The following DMD variants were observed in gnomAD, a reference collection of about 807,000 sequenced individuals.
DMD encodes mutant dystrophin.
DMD carries 63 observed loss-of-function variants against 330.1 expected under a neutral mutation model. That is an observed-to-expected ratio of 0.19 (90% CI 0.16 to 0.24). The LOEUF (loss-of-function observed/expected upper bound fraction) is 0.24. Among genes scored for constraint, DMD ranks in the 10% least tolerant of loss-of-function variants. The pLI is 1.00. For missense variants in DMD, 3,344 were observed against 2,684.1 expected (o/e 1.25, Z -5.43); for synonymous variants, 1,223 against 959.8 (o/e 1.27, Z -5.07).
chrX:32,903,144 CAAAAAAAA>C lies in DMD; in HGVS notation c.94-53332_94-53325del, dbSNP rs34973696. On this transcript the variant is annotated intron_variant, in intron 2 of 78. Coordinates refer to ENST00000357033, the MANE Select transcript of DMD (RefSeq NM_004006.3). ...TGGGCGACAGAGTGAGACTCAGTCT[CAAAAAAAA>C]AAAAAAAAAAAAAGAAACTAAAAAG... 2.8e-3 allele frequency among the ~76,000 whole-genome samples: 91 copies of C among 32,993 alleles called. 1 individual carries two copies. The highest frequency in any genetic ancestry group is 4.0e-3 in the Non-Finnish European group (84 of 20,919). The allele number at this position is 32,993 out of a possible 115,157, so 28.7% of individuals were successfully genotyped here.
chrX:32,389,421 TTC>T lies in DMD; in HGVS notation c.4518+78_4518+79del, dbSNP rs1274967111. 3.7e-5 allele frequency: 38 copies of T among 1,027,829 alleles called. No individual in the cohort carries two copies. In the Admixed American group the frequency reaches 8.2e-4, roughly 22 times the overall value. The allele number at this position is 1,027,829 out of a possible 1,213,427, so 84.7% of individuals were successfully genotyped here. Reference sequence around the variant, plus strand: ...AATTATTATGGTTATCTGAAAACAATTCTCTCTTATAAAAGAGCAGTTACTTC... The same window carrying T: ...AATTATTATGGTTATCTGAAAACAATTCTCTTATAAAAGAGCAGTTACTTC... On this transcript the variant is annotated intron_variant, in intron 32 of 78. Coordinates refer to ENST00000357033, the MANE Select transcript of DMD (RefSeq NM_004006.3).
intron 30 of DMD, among the ~76,000 whole-genome samples, chrX:32,401,999 T>C (rs749486964): frequency 1.9e-4 from 21 of 112,297 alleles, no homozygotes; most frequent in Non-Finnish European, 3.2e-4. Context: ...TTTCACTTAA[T>C]AAAGGGCTAA....
At chrX:31,528,471 G>A (rs1183609006) in intron 55 of DMD, among the ~76,000 whole-genome samples, 1 of 112,169 alleles carries the variant, frequency 8.9e-6, no homozygotes, top group Non-Finnish European at 1.9e-5. Flanking sequence ...ACATGGAGGG[G>A]TGGAGGGATA....
intron 18 of DMD, among the ~76,000 whole-genome samples, chrX:32,513,982 G>C (rs988760032): frequency 2.7e-5 from 3 of 111,869 alleles, no homozygotes; most frequent in Non-Finnish European, 5.6e-5. Context: ...TAGTTCTACA[G>C]AGGGATTGAG....
chrX:31,560,285 G>C (rs764874535), intron 55 of DMD, among the ~76,000 whole-genome samples: 1 of 111,650 alleles, frequency 9.0e-6, no homozygotes, highest in East Asian at 2.8e-4. Flanking sequence ...TTATGTCAAG[G>C]CTTCAATCAC....
chrX:32,426,398 T>C, intron 29 of DMD, among the ~76,000 whole-genome samples: 1 of 111,468 alleles, frequency 9.0e-6, no homozygotes, highest in East Asian at 2.8e-4. Context: ...TCACCAACCA[T>C]TAGAGAAGTG....
intron 1 of DMD, among the ~76,000 whole-genome samples, chrX:33,161,029 T>C (rs2048746107): frequency 8.9e-6 from 1 of 112,065 alleles, no homozygotes; most frequent in African/African-American, 3.2e-5. Flanking sequence ...CAGAACTCTT[T>C]GCATTGTAAT....
intron 60 of DMD, among the ~76,000 whole-genome samples, chrX:31,441,477 G>A (rs1014589593): frequency 4.4e-5 from 5 of 112,549 alleles, no homozygotes; most frequent in South Asian, 3.6e-4. Flanking sequence ...GATTACAGGC[G>A]TGAGCCACCA....
chrX:32,049,020 G>A (rs750966223), intron 44 of DMD, among the ~76,000 whole-genome samples: 1 of 111,077 alleles, frequency 9.0e-6, no homozygotes, highest in Non-Finnish European at 1.9e-5. Context: ...ACTTGAGAAC[G>A]AGAAGAAACA....
intron 12 of DMD, among the ~76,000 whole-genome samples, chrX:32,602,749 C>T (rs746283024): frequency 9.0e-6 from 1 of 111,366 alleles, no homozygotes; most frequent in African/African-American, 3.3e-5. Flanking sequence ...TCTGTACCTT[C>T]TATCTAGACA....
intron 44 of DMD, among the ~76,000 whole-genome samples, chrX:32,005,601 G>A (rs1245766326): frequency 9.1e-6 from 1 of 110,432 alleles, no homozygotes; most frequent in Non-Finnish European, 1.9e-5. Context: ...TCACTGCCTG[G>A]GGACACCAGA....
At chrX:32,564,557 A>G (rs1480785639) in intron 16 of DMD, among the ~76,000 whole-genome samples, 1 of 112,409 alleles carries the variant, frequency 8.9e-6, no homozygotes, top group Non-Finnish European at 1.9e-5. Context: ...ATTAATTGCT[A>G]AAGTATGTTT....
intron 61 of DMD, among the ~76,000 whole-genome samples, chrX:31,336,016 G>A (rs1480347515): frequency 1.8e-5 from 2 of 112,841 alleles, no homozygotes; most frequent in Non-Finnish European, 3.7e-5. Context: ...CCCCTACACT[G>A]ATCAGGAAGA....
At position 31,658,063 on chromosome X, in the gene DMD, A is replaced by C; in HGVS notation, c.7954T>G (p.Ser2652Ala). The C allele has an allele frequency of 8.3e-7, 1 of 1,211,464 alleles. No homozygotes were observed. The highest frequency in any genetic ancestry group is 1.1e-6 in the Non-Finnish European group (1 of 895,077). ...TGGACTTTTCTGGTATCATCTGCAGAATAATCCCGGAGAAGTTTCAGGGCC... is the reference window on the plus strand; with the variant it reads ...TGGACTTTTCTGGTATCATCTGCAGCATAATCCCGGAGAAGTTTCAGGGCC... ...DLALKLLRDY[S>A]ADDTRKVHMI... The change falls in exon 54 of 79, where the codon TCT becomes GCT. Residue 2652 changes from serine (S) to alanine (A), a missense_variant. Transcript: ENST00000357033.
chrX:31,420,081 A>G (rs2063283849), intron 60 of DMD, among the ~76,000 whole-genome samples: 1 of 112,437 alleles, frequency 8.9e-6, no homozygotes, highest in Non-Finnish European at 1.9e-5. Context: ...GCAAAAAAAT[A>G]TCAAAACTTA....
At chrX:32,988,729 A>G (rs1383341945) in intron 2 of DMD, among the ~76,000 whole-genome samples, 1 of 112,205 alleles carries the variant, frequency 8.9e-6, no homozygotes, top group African/African-American at 3.2e-5. Flanking sequence ...TAAGAATTTT[A>G]ATCAATTGTG....
chrX:32,552,988 C>A (rs1354700867), intron 16 of DMD, among the ~76,000 whole-genome samples: 3 of 111,630 alleles, frequency 2.7e-5, no homozygotes, highest in Non-Finnish European at 5.6e-5. Context: ...TTAGTTCAGC[C>A]ACCGTGGAAA....
chrX:32,836,457 T>C (rs1172975944), intron 4 of DMD, among the ~76,000 whole-genome samples: 2 of 111,741 alleles, frequency 1.8e-5, no homozygotes, highest in Non-Finnish European at 3.8e-5. Context: ...TCTCCCTCCT[T>C]GTCTGGATCA....
chrX:32,915,408 G>C (rs1279427988), intron 2 of DMD, among the ~76,000 whole-genome samples: 3 of 112,180 alleles, frequency 2.7e-5, no homozygotes, highest in Non-Finnish European at 5.6e-5. Flanking sequence ...TACATTTTGT[G>C]ATTCAGACAT....
Sources: allele counts gnomAD v4.1 joint callset (sites outside exome capture counted in the v4.1 genomes callset), GRCh38; gene constraint gnomAD v4.1.1; transcripts MANE v1.5; gene names NCBI Gene and HGNC (gene_info 2026-07-23, HGNC 2026-07-21).